Variants in PTPRE observed in about 807,000 individuals in gnomAD.
PTPRE encodes protein tyrosine phosphatase receptor type E.
In PTPRE, 51 loss-of-function variants were observed where a neutral mutation model predicts 102.0. The observed-to-expected ratio is 0.50, with a 90% CI of 0.40 to 0.63. The LOEUF (loss-of-function observed/expected upper bound fraction) is 0.63, where lower values mean the gene tolerates loss of function less well. PTPRE is among the 30% of genes least tolerant of loss of function. The pLI is 0.00. For missense variants in PTPRE, 752 were observed against 915.1 expected (o/e 0.82, Z 2.30); for synonymous variants, 345 against 348.2 (o/e 0.99, Z 0.10).
intron 1 of PTPRE, among the ~76,000 whole-genome samples, chr10:127,957,106 T>C (rs551801298): frequency 3.9e-5 from 6 of 152,360 alleles, no homozygotes; most frequent in African/African-American, 1.4e-4. Context: ...ATTCTTTCTT[T>C]TATGGGTCAT....
chr10:128,047,776 G>A lies in PTPRE; in HGVS notation c.222G>A (p.Gln74=), dbSNP rs552924478. The part of the protein sequence containing the change: ...LAAYFFRFRK[Q]RKAVVSTSDK... ...CTGTGTCTCTAAGGTTCAGGAAGCA[G>A]AGGAAAGCTGTGGTCAGCACCAGCG... The change falls in exon 5 of 21, where the codon CAG becomes CAA. Residue 74 remains glutamine, a synonymous_variant. Transcript: ENST00000254667. 1 of 1,609,588 alleles carries A rather than the reference G, an allele frequency of 6.2e-7. No individual in the cohort carries two copies. Among genetic ancestry groups the A allele is most frequent in the African/African-American group, 1.3e-5 (1 of 74,996 alleles).
chr10:128,042,839 A>C (rs1218377922), intron 3 of PTPRE, among the ~76,000 whole-genome samples: 2 of 152,244 alleles, frequency 1.3e-5, no homozygotes, highest in Non-Finnish European at 2.9e-5. Flanking sequence ...GTTATCTATA[A>C]AAAATAATAC....
chr10:128,032,218 A>G (rs11016023), intron 2 of PTPRE, among the ~76,000 whole-genome samples: 36,674 of 151,880 alleles, frequency 0.24, 4,583 homozygotes, highest in East Asian at 0.43. Context: ...GTTATACCAT[A>G]TTGGCCACAG....
intron 1 of PTPRE, among the ~76,000 whole-genome samples, chr10:127,908,960 G>A (rs1218675405): frequency 6.6e-6 from 1 of 152,242 alleles, no homozygotes; most frequent in African/African-American, 2.4e-5. Flanking sequence ...CCAGTTGAGG[G>A]AAGTCGATGA....
chr10:128,017,377 C>T (rs1845523501), intron 2 of PTPRE, among the ~76,000 whole-genome samples: 1 of 152,124 alleles, frequency 6.6e-6, no homozygotes, highest in African/African-American at 2.4e-5. Flanking sequence ...GGGCTGCTGC[C>T]CGAGCTGGCC....
At chr10:128,003,166 TA>T (rs1854146750) in intron 2 of PTPRE, among the ~76,000 whole-genome samples, 1 of 152,160 alleles carries the variant, frequency 6.6e-6, no homozygotes, top group African/African-American at 2.4e-5. Flanking sequence ...TGCTGTAAGG[TA>T]GTATCCTCCT....
intron 1 of PTPRE, among the ~76,000 whole-genome samples, chr10:127,948,629 T>G (rs771057235): frequency 2.0e-5 from 3 of 152,254 alleles, no homozygotes; most frequent in Non-Finnish European, 4.4e-5. Context: ...TCAGATTGGC[T>G]TCTTTCACTT....
chr10:127,910,633 C>G (rs926341373), intron 1 of PTPRE, among the ~76,000 whole-genome samples: 1 of 152,202 alleles, frequency 6.6e-6, no homozygotes, highest in Non-Finnish European at 1.5e-5. Flanking sequence ...CTTCAGTGTT[C>G]TCTAGAATGG....
intron 1 of PTPRE, among the ~76,000 whole-genome samples, chr10:127,946,278 TATATACC>T (rs1335308519): frequency 6.6e-6 from 1 of 152,232 alleles, no homozygotes; most frequent in Non-Finnish European, 1.5e-5. Flanking sequence ...GCTATTCGTG[TATATACC>T]ATTTCACTGA....
intron 2 of PTPRE, among the ~76,000 whole-genome samples, chr10:128,036,745 A>T (rs1847253444): frequency 6.6e-6 from 1 of 151,910 alleles, no homozygotes; most frequent in Non-Finnish European, 1.5e-5. Flanking sequence ...TTCCATTCCC[A>T]TTGCCTCCGG....
chr10:128,061,037 G>A, intron 8 of PTPRE, 22 bp downstream of exon 8: 1 of 1,610,978 alleles, frequency 6.2e-7, no homozygotes, highest in Non-Finnish European at 8.5e-7. Flanking sequence ...GAGGTTTCTT[G>A]TTCCCCTGGC....
intron 2 of PTPRE, among the ~76,000 whole-genome samples, chr10:128,018,716 A>G (rs1249930568): frequency 6.6e-6 from 1 of 152,186 alleles, no homozygotes. Context: ...CTCCCAGATC[A>G]GCACCCTCAG....
intron 2 of PTPRE, among the ~76,000 whole-genome samples, chr10:128,032,195 T>C (rs942184447): frequency 1.3e-5 from 2 of 152,080 alleles, no homozygotes; most frequent in African/African-American, 4.8e-5. Context: ...TTTGTATTTT[T>C]AGTAGAGATG....
chr10:127,935,530 C>G (rs941154658), intron 1 of PTPRE, among the ~76,000 whole-genome samples: 2 of 152,158 alleles, frequency 1.3e-5, no homozygotes, highest in African/African-American at 4.8e-5. Context: ...CTGAGGGCAT[C>G]TGGGCCCTGC....
intron 1 of PTPRE, among the ~76,000 whole-genome samples, chr10:127,933,086 C>G (rs1847566525): frequency 1.3e-5 from 2 of 152,216 alleles, no homozygotes; most frequent in Non-Finnish European, 2.9e-5. Flanking sequence ...TGTGGTAACA[C>G]AGGGTGCACC....
intron 1 of PTPRE, among the ~76,000 whole-genome samples, chr10:127,972,429 T>C (rs966951358): frequency 2.0e-5 from 3 of 152,220 alleles, no homozygotes; most frequent in Admixed American, 1.3e-4. Flanking sequence ...GGATCCTGTA[T>C]GTACAGTGTC....
At chr10:128,037,832 C>T (rs930659726) in intron 2 of PTPRE, among the ~76,000 whole-genome samples, 2 of 152,142 alleles carry the variant, frequency 1.3e-5, no homozygotes, top group African/African-American at 4.8e-5. Context: ...CGCTCTATTG[C>T]CCAGGCTGGA....
rs188345427 is a variant in PTPRE, at chr10:128,003,168, G to A, written c.-8+20872G>A. Among the ~76,000 whole-genome samples the A allele has an allele frequency of 3.3e-3, 501 of 152,302 alleles. 2 individuals are homozygous for A. Among genetic ancestry groups the A allele is most frequent in the African/African-American group, 0.012 (486 of 41,562 alleles). On this transcript the variant is annotated intron_variant, in intron 2 of 20. Transcript: ENST00000254667. ...GAGGTGACTTGACTGCTGTAAGGTA[G>A]TATCCTCCTCATTGGTGATGAGAGA...
intron 2 of PTPRE, among the ~76,000 whole-genome samples, chr10:127,994,843 A>G (rs1853087454): frequency 6.6e-6 from 1 of 152,184 alleles, no homozygotes; most frequent in African/African-American, 2.4e-5. Flanking sequence ...CCAAGACTGC[A>G]CATTTCAGTT....
Sources: gnomAD v4.1 joint callset for allele counts (sites outside exome capture counted in the v4.1 genomes callset) on GRCh38, gnomAD v4.1.1 for gene constraint, MANE v1.5 for transcripts, NCBI Gene and HGNC (gene_info 2026-07-23, HGNC 2026-07-21) for gene names.